AP2A2: variants seen among roughly 807,000 people sequenced by gnomAD.
AP2A2 encodes the protein adaptor related protein complex 2 subunit alpha 2, also known as AP-2 complex subunit alpha-2.
A neutral mutation model predicts 104.2 loss-of-function variants in AP2A2; 32 were observed. The ratio of observed to expected loss-of-function variants is 0.31; its 90% confidence interval spans 0.23 to 0.41. The LOEUF (loss-of-function observed/expected upper bound fraction) is 0.41. AP2A2 is among the 10% of genes least tolerant of loss of function. The probability of loss-of-function intolerance (pLI) is 1.00; values close to 1 mark genes in which losing one functional copy is unlikely to be tolerated. For synonymous variants in AP2A2, 539 were observed against 533.3 expected (o/e 1.01, Z -0.15); for missense variants, 912 against 1,261.0 (o/e 0.72, Z 4.19).
intron 10 of AP2A2, among the ~76,000 whole-genome samples, chr11:989,106 G>A (rs1387913670): frequency 6.6e-6 from 1 of 152,176 alleles, no homozygotes; most frequent in Non-Finnish European, 1.5e-5. Context: ...CGGATCACCT[G>A]AGGTCAGGAG....
intron 21 of AP2A2, chr11:1,010,067 C>A (rs1856369005): frequency 1.9e-6 from 1 of 527,096 alleles, no homozygotes; most frequent in Admixed American, 3.2e-5. Context: ...CCTGTCAATA[C>A]ATGGTTGCAT....
chr11:983,248 G>C (rs946415074), intron 6 of AP2A2, among the ~76,000 whole-genome samples: 2 of 151,790 alleles, frequency 1.3e-5, no homozygotes, highest in Admixed American at 6.6e-5. Context: ...GCGAACTCCC[G>C]ACCTCAAGTG....
intron 10 of AP2A2, among the ~76,000 whole-genome samples, chr11:991,938 G>A: frequency 6.6e-6 from 1 of 152,190 alleles, no homozygotes; most frequent in East Asian, 1.9e-4. Flanking sequence ...AGAGCTCCAT[G>A]TGGGTGGCTG....
At chr11:998,247 A>C (rs1300400958) in intron 14 of AP2A2, among the ~76,000 whole-genome samples, 1 of 152,024 alleles carries the variant, frequency 6.6e-6, no homozygotes, top group East Asian at 1.9e-4. Flanking sequence ...TCTCTTGCAG[A>C]GGTGCTCCGT....
At position 988,547 on chromosome 11, in the gene AP2A2, C is replaced by G. The variant is rs572932767; in HGVS notation, c.1132-5C>G. 1 of 1,610,044 alleles carries G rather than the reference C, an allele frequency of 6.2e-7. No individual in the cohort carries two copies. Among genetic ancestry groups the G allele is most frequent in the East Asian group, 2.2e-5 (1 of 44,866 alleles). On this transcript the variant is annotated splice_region_variant and splice_polypyrimidine_tract_variant and intron_variant, in intron 9 of 21. Coordinates refer to ENST00000448903, the MANE Select transcript of AP2A2 (RefSeq NM_012305.4). Reference sequence around the variant, plus strand: ...CGACCTCTTACTCTGTGCCTTGTTCCCCAGACTGAGCGGGACGTGAGCGTG... The same window carrying G: ...CGACCTCTTACTCTGTGCCTTGTTCGCCAGACTGAGCGGGACGTGAGCGTG...
In AP2A2 at chr11:996,342, G is replaced by T. The variant is rs570302123; in HGVS notation, c.1956+2097G>T. ...CTTCCACGGAAACCTGGGATTGCCTGTTGGAAGCTGGGAAGGCACCAGGTG... is the reference window on the plus strand; with the variant it reads ...CTTCCACGGAAACCTGGGATTGCCTTTTGGAAGCTGGGAAGGCACCAGGTG... On this transcript the variant is annotated intron_variant, in intron 14 of 21. Coordinates refer to ENST00000448903, the MANE Select transcript of AP2A2 (RefSeq NM_012305.4). The T allele has an allele frequency of 2.6e-5, 4 of 152,426 alleles. No homozygotes were observed. The East Asian group carries it at 5.8e-4, about 22-fold the overall frequency. The allele number at this position is 152,426 out of a possible 1,614,324, so 9.4% of individuals were successfully genotyped here.
intron 1 of AP2A2, among the ~76,000 whole-genome samples, chr11:935,117 G>A (rs1208325265): frequency 6.7e-6 from 1 of 148,844 alleles, no homozygotes; most frequent in Admixed American, 6.8e-5. Context: ...GCAGTGGTGC[G>A]ATCTCTGCTC....
At chr11:942,416 G>C (rs551855765) in intron 1 of AP2A2, 1 of 152,188 alleles carries the variant, frequency 6.6e-6, no homozygotes, top group Admixed American at 6.5e-5. Flanking sequence ...GCAAACCTAC[G>C]TATGGGATTA....
chr11:980,855 A>C (rs1855214448), intron 5 of AP2A2, among the ~76,000 whole-genome samples: 2 of 152,272 alleles, frequency 1.3e-5, no homozygotes, highest in South Asian at 4.1e-4. Context: ...GCAAGTGCAG[A>C]TGACGGTGGA....
chr11:974,870 A>T (rs577190395), intron 4 of AP2A2, among the ~76,000 whole-genome samples: 2 of 151,236 alleles, frequency 1.3e-5, no homozygotes, highest in African/African-American at 4.9e-5. Flanking sequence ...CTGTAGTCCC[A>T]GTTACTCAGG....
chr11:998,578 G>T (rs1420636799), intron 14 of AP2A2, among the ~76,000 whole-genome samples: 3 of 152,006 alleles, frequency 2.0e-5, no homozygotes, highest in Admixed American at 2.0e-4. Flanking sequence ...TACTCAAGAC[G>T]AATCTTCAAG....
chr11:972,194 G>T lies in AP2A2; in HGVS notation c.412G>T (p.Val138Leu). The T allele has an allele frequency of 6.2e-7, 1 of 1,611,990 alleles. No homozygotes were observed. Among genetic ancestry groups the T allele is most frequent in the Non-Finnish European group, 8.5e-7 (1 of 1,179,542 alleles). ...MGLALHCIASVGSREMAEAFA... is the reference protein window; with the variant it reads ...MGLALHCIASLGSREMAEAFA... Reference sequence around the variant, plus strand: ...CCTGGCCCTGCACTGCATCGCCAGCGTGGGCAGCCGGGAGATGGCCGAGGC... The same window carrying T: ...CCTGGCCCTGCACTGCATCGCCAGCTTGGGCAGCCGGGAGATGGCCGAGGC... The change falls in exon 4 of 22, where the codon GTG (valine) becomes TTG (leucine). Residue 138 changes from valine (V) to leucine (L), a missense_variant. Around this residue, in one of 7 missense-constraint regions of AP2A2, gnomAD observed 350 missense variants for 487.0 expected, o/e 0.72. Coordinates refer to ENST00000448903, the MANE Select transcript of AP2A2 (RefSeq NM_012305.4).
At chr11:935,696 C>T (rs1853436003) in intron 1 of AP2A2, among the ~76,000 whole-genome samples, 1 of 145,570 alleles carries the variant, frequency 6.9e-6, no homozygotes, top group Admixed American at 7.0e-5. Flanking sequence ...CAACCTTCGC[C>T]TCCCGGGTTC....
chr11:956,538 G>A (rs1854240361), intron 1 of AP2A2, among the ~76,000 whole-genome samples: 1 of 152,146 alleles, frequency 6.6e-6, no homozygotes, highest in East Asian at 1.9e-4. Context: ...ATGAATAATT[G>A]TATTTTGACA....
chr11:972,224 G>A lies in AP2A2; in HGVS notation c.442G>A (p.Ala148Thr), dbSNP rs771202088. The A allele has an allele frequency of 2.0e-5, 32 of 1,607,400 alleles. No individual in the cohort carries two copies. Among genetic ancestry groups the A allele is most frequent in the African/African-American group, 2.7e-5 (2 of 75,030 alleles). ...CAGCCGGGAGATGGCCGAGGCCTTC[G>A]CCGGGGAGATCCCTAAGGTCCTCGT... ...VGSREMAEAF[A>T]GEIPKVLVAG... Residue 148 changes from alanine (A) to threonine (T), a missense_variant, in exon 4 of 22, where the codon GCC becomes ACC. Ala to Thr is a moderately conservative substitution (Grantham distance 58, BLOSUM62 0). Transcript: ENST00000448903.
At chr11:941,366 G>A (rs117232535) in intron 1 of AP2A2, among the ~76,000 whole-genome samples, 1 of 152,226 alleles carries the variant, frequency 6.6e-6, no homozygotes, top group East Asian at 1.9e-4. Context: ...ACATGCCCCG[G>A]CCCCCATTTA....
chr11:987,776 A>C (rs1284176773), intron 9 of AP2A2, among the ~76,000 whole-genome samples: 1 of 152,238 alleles, frequency 6.6e-6, no homozygotes, highest in Non-Finnish European at 1.5e-5. Context: ...CGGTGTGTCC[A>C]CCAAGTCCCT....
rs188243347 is a variant in AP2A2 at position 949,984 on chromosome 11, A to G, written c.68-9453A>G. Among the ~76,000 whole-genome samples the G allele has an allele frequency of 3.8e-3, 573 of 152,260 alleles. 5 individuals carry two copies. The highest frequency in any genetic ancestry group is 0.012 in the African/African-American group (497 of 41,536). Reference sequence around the variant, plus strand: ...TGCTGATTCCAAAACTTAATACACAAATGATTAAGATAGTATAATACTGGT... The same window carrying G: ...TGCTGATTCCAAAACTTAATACACAGATGATTAAGATAGTATAATACTGGT... On this transcript the variant is annotated intron_variant, in intron 1 of 21. Transcript: ENST00000448903.
Position 1,011,634 on chromosome 11 carries a change from A to C in AP2A2, c.*1009A>C, listed in dbSNP as rs1856436834. On this transcript the variant is annotated 3_prime_UTR_variant, in exon 22 of 22. Coordinates refer to ENST00000448903, the MANE Select transcript of AP2A2 (RefSeq NM_012305.4). Reference sequence around the variant, plus strand: ...AGAGGCGAGAGAGTGGGGCCGGCCTAGGAGCCAAGGCTGGGGCCTTGCGCT... The same window carrying C: ...AGAGGCGAGAGAGTGGGGCCGGCCTCGGAGCCAAGGCTGGGGCCTTGCGCT... The C allele has an allele frequency of 2.6e-6, 1 of 384,846 alleles. No individual in the cohort carries two copies. Among genetic ancestry groups the C allele is most frequent in the Non-Finnish European group, 5.2e-6 (1 of 191,386 alleles). 23.8% of individuals were successfully genotyped at this position (384,846 alleles called of 1,614,324 possible).
Sources: allele counts gnomAD v4.1 joint callset (sites outside exome capture counted in the v4.1 genomes callset), GRCh38; gene constraint gnomAD v4.1.1; regional missense constraint gnomAD v4.1.1; transcripts MANE v1.5; gene names NCBI Gene and HGNC (gene_info 2026-07-23, HGNC 2026-07-21).